The following KCND2 variants were observed in gnomAD, a reference collection of about 807,000 sequenced individuals.
KCND2 encodes A-type voltage-gated potassium channel KCND2.
In KCND2, 16 loss-of-function variants were observed where a neutral mutation model predicts 54.4. That is an observed-to-expected ratio of 0.29 (90% CI 0.20 to 0.45). The LOEUF (loss-of-function observed/expected upper bound fraction) is 0.45, where lower values mean the gene tolerates loss of function less well. Ranked by LOEUF, KCND2 falls within the 20% of genes least tolerant of loss-of-function variation. KCND2 has a pLI of 1.00. For synonymous variants in KCND2, 317 were observed against 310.7 expected (o/e 1.02, Z -0.21); for missense variants, 486 against 824.2 (o/e 0.59, Z 5.02).
intron 1 of KCND2, among the ~76,000 whole-genome samples, chr7:120,400,734 A>G (rs1801239660): frequency 6.6e-6 from 1 of 152,168 alleles, no homozygotes; most frequent in South Asian, 2.1e-4. Flanking sequence ...GCACACATAG[A>G]TTCTAATTCA....
chr7:120,699,063 G>C (rs1457534960), intron 1 of KCND2, among the ~76,000 whole-genome samples: 1 of 152,082 alleles, frequency 6.6e-6, no homozygotes, highest in Non-Finnish European at 1.5e-5. Context: ...GGCGGATCAT[G>C]AGGTCAGGAG....
intron 1 of KCND2, among the ~76,000 whole-genome samples, chr7:120,684,508 A>C (rs932365863): frequency 3.9e-5 from 6 of 152,284 alleles, no homozygotes; most frequent in South Asian, 2.1e-4. Context: ...AATACAAGCA[A>C]CTTTTGGCAA....
chr7:120,288,337 T>G (rs996320640), intron 1 of KCND2, among the ~76,000 whole-genome samples: 6 of 152,172 alleles, frequency 3.9e-5, no homozygotes, highest in African/African-American at 1.2e-4. Context: ...TACTCTTTCT[T>G]TCTTTTATAT....
chr7:120,411,829 T>G (rs1337539836), intron 1 of KCND2, among the ~76,000 whole-genome samples: 1 of 151,984 alleles, frequency 6.6e-6, no homozygotes, highest in Non-Finnish European at 1.5e-5. Flanking sequence ...GAAATAGTAA[T>G]CAGTGCCTAG....
intron 1 of KCND2, among the ~76,000 whole-genome samples, chr7:120,332,580 C>CG (rs1359836662): frequency 7.2e-5 from 11 of 152,024 alleles, no homozygotes; most frequent in Admixed American, 6.6e-4. Flanking sequence ...ATAGCCTGTA[C>CG]GCTTTCTTAA....
At chr7:120,416,106 A>G (rs374429554) in intron 1 of KCND2, among the ~76,000 whole-genome samples, 2 of 152,206 alleles carry the variant, frequency 1.3e-5, no homozygotes, top group African/African-American at 2.4e-5. Flanking sequence ...AATAGTATCA[A>G]TAATGTTCTC....
chr7:120,384,533 T>A (rs1291800077), intron 1 of KCND2, among the ~76,000 whole-genome samples: 1 of 152,168 alleles, frequency 6.6e-6, no homozygotes, highest in Non-Finnish European at 1.5e-5. Context: ...TCTGTAATTA[T>A]GTCACTATAA....
At chr7:120,701,473 T>C (rs181696041) in intron 1 of KCND2, among the ~76,000 whole-genome samples, 1 of 152,146 alleles carries the variant, frequency 6.6e-6, no homozygotes. Context: ...AGGAGGCTCA[T>C]CTTTTCTAAA....
At chr7:120,423,634 T>A (rs779090849) in intron 1 of KCND2, among the ~76,000 whole-genome samples, 9 of 152,222 alleles carry the variant, frequency 5.9e-5, no homozygotes, top group Non-Finnish European at 1.0e-4. Context: ...GGGACACAGT[T>A]GAAACTGGAC....
intron 1 of KCND2, among the ~76,000 whole-genome samples, chr7:120,699,983 G>A (rs1792380138): frequency 6.6e-6 from 1 of 152,152 alleles, no homozygotes; most frequent in Non-Finnish European, 1.5e-5. Context: ...AAAGATACAA[G>A]TAGTTAAGAA....
At chr7:120,508,334 T>C (rs148614939) in intron 1 of KCND2, among the ~76,000 whole-genome samples, 401 of 152,078 alleles carry the variant, frequency 2.6e-3, no homozygotes, top group African/African-American at 9.2e-3. Context: ...GAGTTGAAAT[T>C]TCCAGTCAGA....
intron 1 of KCND2, among the ~76,000 whole-genome samples, chr7:120,700,452 T>C (rs551853410): frequency 1.3e-5 from 2 of 152,322 alleles, no homozygotes; most frequent in Admixed American, 6.5e-5. Context: ...ACATTTCTAT[T>C]TGTGGACGTC....
At chr7:120,608,016 GTT>G (rs5886996) in intron 1 of KCND2, among the ~76,000 whole-genome samples, 2,719 of 147,858 alleles carry the variant, frequency 0.018, 69 homozygotes, top group African/African-American at 0.057. Context: ...GAATGTGACT[GTT>G]TTTTTTTTTT....
intron 1 of KCND2, among the ~76,000 whole-genome samples, chr7:120,524,747 C>A (rs924480271): frequency 6.6e-6 from 1 of 152,180 alleles, no homozygotes; most frequent in African/African-American, 2.4e-5. Flanking sequence ...TACCCTAATG[C>A]ACATTCTATG....
chr7:120,287,430 C>A (rs1799362426), intron 1 of KCND2, among the ~76,000 whole-genome samples: 1 of 152,004 alleles, frequency 6.6e-6, no homozygotes, highest in Non-Finnish European at 1.5e-5. Context: ...ATAGTCTTTG[C>A]AGGTGGGAAC....
At chr7:120,587,971 A>T (rs1339246208) in intron 1 of KCND2, among the ~76,000 whole-genome samples, 1 of 152,208 alleles carries the variant, frequency 6.6e-6, no homozygotes, top group Non-Finnish European at 1.5e-5. Context: ...ACAGTATGTT[A>T]TAAATATGTT....
intron 1 of KCND2, among the ~76,000 whole-genome samples, chr7:120,726,989 T>C (rs1792741390): frequency 6.6e-6 from 1 of 152,240 alleles, no homozygotes; most frequent in African/African-American, 2.4e-5. Flanking sequence ...TTCATGATTA[T>C]TTATCAATTA....
At position 120,312,907 on chromosome 7, in the gene KCND2, G is replaced by A. The variant is rs191833314; in HGVS notation, c.1115+37160G>A. ...AACTTGTGACTTTTTTTAAAAAAAA[G>A]ACTGATGACATCCTTCCCAACATTT... is the stretch of plus-strand genomic sequence containing the variant. On this transcript the variant is annotated intron_variant, in intron 1 of 5. Transcript: ENST00000331113. Among the ~76,000 whole-genome samples the A allele has an allele frequency of 1.3e-4, 20 of 152,190 alleles. No individual in the cohort carries two copies. In the East Asian group the frequency reaches 3.5e-3, roughly 26 times the overall value.
chr7:120,664,820 A>G (rs143534047), intron 1 of KCND2, among the ~76,000 whole-genome samples: 47 of 152,168 alleles, frequency 3.1e-4, no homozygotes, highest in African/African-American at 1.1e-3. Flanking sequence ...TAAGCAGAGA[A>G]ATCTGTAGGC....
Sources: allele counts gnomAD v4.1 joint callset (sites outside exome capture counted in the v4.1 genomes callset), GRCh38; gene constraint gnomAD v4.1.1; transcripts MANE v1.5; gene names NCBI Gene and HGNC (gene_info 2026-07-23, HGNC 2026-07-21).